Variants in ZNF282 observed in about 807,000 individuals in gnomAD.
ZNF282 encodes HTLV-I U5 repressive element-binding protein 1.
A neutral mutation model predicts 61.9 loss-of-function variants in ZNF282; 30 were observed. That is an observed-to-expected ratio of 0.48 (90% confidence interval 0.36 to 0.66). The LOEUF is 0.66. ZNF282 is among the 30% of genes least tolerant of loss of function. ZNF282 has a pLI of 0.00. For synonymous variants in ZNF282, 396 were observed against 405.0 expected (o/e 0.98, Z 0.27); for missense variants, 788 against 941.4 (o/e 0.84, Z 2.13).
At position 149,207,377 on chromosome 7, in the gene ZNF282, G is replaced by A; in HGVS notation, c.739G>A (p.Asp247Asn). ...LDAEGSVPKP[D>N]APVQAEPREE... ...CGCGGAGGGCTCAGTCCCCAAGCCA[G>A]ATGCTCCAGTCCAGGCTGAGCCCAG... Residue 247 changes from aspartate to asparagine, a missense_variant, in exon 4 of 8, where the codon GAT becomes AAT. Coordinates refer to ENST00000610704, the MANE Select transcript of ZNF282 (RefSeq NM_003575.4). 6.3e-7 allele frequency: 1 copy of A among 1,585,838 alleles called. No homozygotes were observed. The highest frequency in any genetic ancestry group is 1.1e-5 in the South Asian group (1 of 87,240).
At chr7:149,210,732 C>T (rs1380070272) in intron 5 of ZNF282, 28 bp downstream of exon 5, 35 of 1,540,890 alleles carry the variant, frequency 2.3e-5, no homozygotes, top group Admixed American at 4.2e-5. Flanking sequence ...CCGTCCACAC[C>T]AGGGAGGGGA....
At chr7:149,216,506 C>A (rs181902382) in intron 7 of ZNF282, among the ~76,000 whole-genome samples, 1 of 152,240 alleles carries the variant, frequency 6.6e-6, no homozygotes, top group African/African-American at 2.4e-5. Context: ...TGCCAAGTCA[C>A]GACAGCCTCT....
At chr7:149,204,276 A>G (rs1354056622) in intron 2 of ZNF282, among the ~76,000 whole-genome samples, 3 of 152,214 alleles carry the variant, frequency 2.0e-5, no homozygotes, top group Non-Finnish European at 2.9e-5. Context: ...ATTGTTGAGG[A>G]TTTCAACAGA....
chr7:149,221,145 C>T (rs996806358), intron 7 of ZNF282, among the ~76,000 whole-genome samples: 1 of 152,136 alleles, frequency 6.6e-6, no homozygotes, highest in African/African-American at 2.4e-5. Context: ...TCTCAAACTC[C>T]TGGGCTCAAG....
At chr7:149,201,257 A>G (rs1251973470) in intron 2 of ZNF282, among the ~76,000 whole-genome samples, 1 of 152,154 alleles carries the variant, frequency 6.6e-6, no homozygotes, top group Non-Finnish European at 1.5e-5. Flanking sequence ...ATATATCCAC[A>G]ACCTGGCCAC....
intron 2 of ZNF282, among the ~76,000 whole-genome samples, chr7:149,205,672 C>T (rs148558094): frequency 5.5e-4 from 84 of 152,268 alleles, no homozygotes; most frequent in African/African-American, 1.9e-3. Context: ...AAAGGGCTGA[C>T]ATTTCTAACT....
intron 3 of ZNF282, 27 bp from the exon 4 acceptor site, chr7:149,207,324 C>A (rs1222119249): frequency 6.3e-7 from 1 of 1,580,824 alleles, no homozygotes; most frequent in Non-Finnish European, 8.6e-7. Flanking sequence ...TTCACTCAGC[C>A]TTTCCCTCCC....
At position 149,198,542 on chromosome 7, in the gene ZNF282, C is replaced by T; in HGVS notation, c.375C>T (p.Arg125=). 6.2e-7 allele frequency: 1 copy of T among 1,614,168 alleles called. No individual in the cohort carries two copies. The part of the protein sequence containing the change: ...QASQLLNLEG[R]TGTAEKKLAD... ...GCCAGCTGCTGAACCTGGAGGGGCG[C>T]ACGGGGACAGCCGAGAAGAAGCTGG... Residue 125 remains arginine (R), a synonymous_variant, in exon 2 of 8, where the codon CGC becomes CGT. Coordinates refer to ENST00000610704, the MANE Select transcript of ZNF282 (RefSeq NM_003575.4). The surrounding 1 kb of genome is among the most constrained non-coding windows in gnomAD (Gnocchi z 4.3).
intron 7 of ZNF282, among the ~76,000 whole-genome samples, chr7:149,216,988 C>T (rs1796168175): frequency 6.6e-6 from 1 of 152,166 alleles, no homozygotes; most frequent in Non-Finnish European, 1.5e-5. Flanking sequence ...AAGCAGGAAG[C>T]GTAGCTAGGA....
At chr7:149,201,886 A>T (rs1459684721) in intron 2 of ZNF282, among the ~76,000 whole-genome samples, 1 of 152,034 alleles carries the variant, frequency 6.6e-6, no homozygotes, top group Non-Finnish European at 1.5e-5. Context: ...GCTCACTCCC[A>T]TCTGTGCTGT....
At chr7:149,207,575 G>A in intron 4 of ZNF282, 105 bp downstream of exon 4, 1 of 1,492,600 alleles carries the variant, frequency 6.7e-7, no homozygotes, top group Non-Finnish European at 9.0e-7. Flanking sequence ...GCACCATGGG[G>A]CGAGGGTCTT....
Position 149,224,550 on chromosome 7 carries a change from G to T in ZNF282, c.1919G>T (p.Arg640Leu). Residue 640 changes from arginine to leucine, a missense_variant, in exon 8 of 8, where the codon CGC (arginine) becomes CTC (leucine). Physicochemically the swap from Arg to Leu is moderately radical, Grantham distance 102 (BLOSUM62 -2). This residue lies in a region of ZNF282 where 559 missense variants were observed against 642.0 expected (regional missense o/e 0.87). Transcript: ENST00000610704. ...TGCGGCGAGTGCGGCAAGAGCTTCC[G>T]CTACAAGGAGTCGCTCAAGGACCAC... ...YTCGECGKSF[R>L]YKESLKDHLR... The T allele has an allele frequency of 6.2e-7, 1 of 1,608,810 alleles. No homozygotes were observed.
At position 149,207,347 on chromosome 7, in the gene ZNF282, C is replaced by T; in HGVS notation, c.713-4C>T. 2 of 1,587,102 alleles carry T rather than the reference C, an allele frequency of 1.3e-6. No homozygotes were observed. Among genetic ancestry groups the T allele is most frequent in the Middle Eastern group, 3.3e-4 (2 of 6,036 alleles). On this transcript the variant is annotated splice_region_variant and splice_polypyrimidine_tract_variant and intron_variant, in intron 3 of 7. Coordinates refer to ENST00000610704, the MANE Select transcript of ZNF282 (RefSeq NM_003575.4). The stretch of plus-strand genomic sequence containing the variant: ...GCCTTTCCCTCCCTCCTCCTCACTT[C>T]CAGACGCGGAGGGCTCAGTCCCCAA...
intron 2 of ZNF282, among the ~76,000 whole-genome samples, chr7:149,203,397 G>A (rs1563175576): frequency 1.3e-5 from 2 of 152,168 alleles, no homozygotes; most frequent in South Asian, 2.1e-4. Flanking sequence ...ATCCAGGCTG[G>A]AGTACAGTTA....
At chr7:149,201,761 C>G (rs939165329) in intron 2 of ZNF282, among the ~76,000 whole-genome samples, 2 of 151,728 alleles carry the variant, frequency 1.3e-5, no homozygotes, top group African/African-American at 4.8e-5. Context: ...TAAAAAAAAC[C>G]CAAAAAACAC....
Position 149,206,790 on chromosome 7 carries a change from T to C in ZNF282, c.680T>C (p.Val227Ala). 1.2e-6 allele frequency: 2 copies of C among 1,614,194 alleles called. No homozygotes were observed. The highest frequency in any genetic ancestry group is 1.7e-6 in the Non-Finnish European group (2 of 1,180,030). ...EWQKELYNNL[V>A]KENYKTLMSL... ...CAGAAGGAGCTTTATAACAACCTTG[T>C]TAAGGAGAACTACAAAACCCTCATG... The change falls in exon 3 of 8, where the codon GTT becomes GCT. Residue 227 changes from valine (V) to alanine (A), a missense_variant. By Grantham distance (64) the Val-to-Ala change is moderately conservative. This residue lies in a region of ZNF282 where 559 missense variants were observed against 642.0 expected (regional missense o/e 0.87). Coordinates refer to ENST00000610704, the MANE Select transcript of ZNF282 (RefSeq NM_003575.4).
intron 4 of ZNF282, 98 bp from the exon 5 acceptor site, chr7:149,210,487 A>G: frequency 6.4e-7 from 1 of 1,557,746 alleles, no homozygotes; most frequent in Non-Finnish European, 8.7e-7. Context: ...GCATGCAGAA[A>G]AAAAGACACA....
chr7:149,195,611 C>T lies in ZNF282; in HGVS notation c.22C>T (p.Pro8Ser). The change falls in exon 1 of 8, where the codon CCG (proline) becomes TCG (serine). Residue 8 changes from proline (P) to serine (S), a missense_variant. Physicochemically the swap from Pro to Ser is moderately conservative, Grantham distance 74 (BLOSUM62 -1). Transcript: ENST00000610704. ...CAGGATGCAGTTTGTGTCAACACGG[C>T]CGCAGCCTCAGCAGCTGGGCATCCA... is the stretch of plus-strand genomic sequence containing the variant. MQFVSTR[P>S]QPQQLGIQGL... 6.2e-7 allele frequency: 1 copy of T among 1,611,206 alleles called. No individual in the cohort carries two copies. The highest frequency in any genetic ancestry group is 8.5e-7 in the Non-Finnish European group (1 of 1,178,998).
At chr7:149,205,432 T>C (rs7796189) in intron 2 of ZNF282, among the ~76,000 whole-genome samples, 2,925 of 152,154 alleles carry the variant, frequency 0.019, 90 homozygotes, top group African/African-American at 0.067. Context: ...CGAGACTCTG[T>C]CTCAAAAAAT....
Sources: allele counts gnomAD v4.1 joint callset (sites outside exome capture counted in the v4.1 genomes callset), GRCh38; gene constraint gnomAD v4.1.1; regional missense constraint gnomAD v4.1.1; non-coding constraint Gnocchi (gnomAD v3.1); transcripts MANE v1.5; gene names NCBI Gene and HGNC (gene_info 2026-07-23, HGNC 2026-07-21).